The following EDA variants were observed in gnomAD, a reference collection of about 807,000 sequenced individuals.
The protein encoded by EDA is ectodysplasin-A.
Under a neutral mutation model 23.6 loss-of-function variants are expected in EDA, and 2 were observed. The observed-to-expected ratio is 0.08, with a 90% CI of 0.03 to 0.27. The LOEUF is 0.27. EDA is among the 10% of genes least tolerant of loss of function. The probability of loss-of-function intolerance (pLI) is 1.00; values close to 1 mark genes in which losing one functional copy is unlikely to be tolerated. For synonymous variants in EDA, 131 were observed against 132.0 expected (o/e 0.99, Z 0.05); for missense variants, 229 against 324.2 (o/e 0.71, Z 2.26).
rs2020261771 is a variant in EDA, at chrX:70,035,917, G to T, written c.*308G>T. ...CGAGGTCCCTGTTGTCAGATCTATT[G>T]TTTGTTGCACTAAAATGAGGATCCA... is the stretch of plus-strand genomic sequence containing the variant. On this transcript the variant is annotated 3_prime_UTR_variant, in exon 8 of 8. Coordinates refer to ENST00000374552, the MANE Select transcript of EDA (RefSeq NM_001399.5). 2.9e-6 allele frequency: 1 copy of T among 339,706 alleles called. No homozygotes were observed. The highest frequency in any genetic ancestry group is 5.1e-6 in the Non-Finnish European group (1 of 196,390). The allele number at this position is 339,706 out of a possible 1,213,427, so 28.0% of individuals were successfully genotyped here. A position where few individuals can be genotyped will look rare whatever the true frequency, so the allele number is the denominator to read the frequency against.
intron 1 of EDA, among the ~76,000 whole-genome samples, chrX:69,902,806 A>G (rs922554817): frequency 9.0e-6 from 1 of 111,501 alleles, no homozygotes; most frequent in African/African-American, 3.3e-5. Context: ...TGGAGCTGGT[A>G]ACTTAAGACC....
intron 1 of EDA, among the ~76,000 whole-genome samples, chrX:69,793,570 G>GTTTTTTTTTT (rs67241807): frequency 1.6e-3 from 95 of 58,701 alleles, no homozygotes; most frequent in South Asian, 2.6e-3. Context: ...GTTTGTTTTT[G>GTTTTTTTTTT]TTTTTTTTTT....
intron 1 of EDA, among the ~76,000 whole-genome samples, chrX:69,955,115 A>G (rs1326205138): frequency 1.8e-5 from 2 of 112,147 alleles, no homozygotes; most frequent in Admixed American, 1.9e-4. Context: ...ATTTTATTGT[A>G]AACAGCAGTT....
chrX:69,813,799 T>G (rs768050728), intron 1 of EDA, among the ~76,000 whole-genome samples: 1 of 97,297 alleles, frequency 1.0e-5, no homozygotes, highest in Non-Finnish European at 2.0e-5. Flanking sequence ...TTCAATTTAA[T>G]AGAAAGATGC....
At chrX:69,967,050 A>C (rs1201841549) in intron 2 of EDA, among the ~76,000 whole-genome samples, 1 of 110,182 alleles carries the variant, frequency 9.1e-6, no homozygotes, top group Admixed American at 9.9e-5. Context: ...CTTGGGTGGA[A>C]GAGGGTTGGA....
intron 1 of EDA, among the ~76,000 whole-genome samples, chrX:69,709,229 TA>T (rs766485584): frequency 1.6e-4 from 18 of 112,419 alleles, no homozygotes; most frequent in Non-Finnish European, 3.0e-4. Context: ...TGTTAATTCC[TA>T]ATTCTGACCA....
At chrX:69,777,260 G>A (rs1311815936) in intron 1 of EDA, among the ~76,000 whole-genome samples, 1 of 109,963 alleles carries the variant, frequency 9.1e-6, no homozygotes, top group Non-Finnish European at 1.9e-5. Context: ...AGTGAATGTT[G>A]GGGGTGGGTA....
intron 6 of EDA, 93 bp downstream of exon 6, chrX:70,030,613 G>T: frequency 1.2e-6 from 1 of 826,349 alleles, no homozygotes; most frequent in South Asian, 2.2e-5. Context: ...TTCCTCCCAG[G>T]CCGCTGAGGT....
At chrX:69,828,336 G>C (rs1488265448) in intron 1 of EDA, among the ~76,000 whole-genome samples, 2 of 112,320 alleles carry the variant, frequency 1.8e-5, no homozygotes, top group African/African-American at 6.5e-5. Flanking sequence ...AGACTGCTGT[G>C]CTAGCAATCA....
At chrX:69,800,350 G>A (rs1025495270) in intron 1 of EDA, among the ~76,000 whole-genome samples, 4 of 111,317 alleles carry the variant, frequency 3.6e-5, no homozygotes, top group Non-Finnish European at 5.7e-5. Context: ...AGTAAACAAC[G>A]TGTTATATTT....
chrX:69,697,686 C>CCCGA (rs2011395988), intron 1 of EDA, among the ~76,000 whole-genome samples: 1 of 110,978 alleles, frequency 9.0e-6, no homozygotes, highest in Non-Finnish European at 1.9e-5. Context: ...ACTGGAGGAA[C>CCCGA]CCGATGATGA....
chrX:70,019,069 A>G (rs911934795), intron 2 of EDA, among the ~76,000 whole-genome samples: 1 of 112,326 alleles, frequency 8.9e-6, no homozygotes, highest in African/African-American at 3.2e-5. Context: ...AGACATATAC[A>G]TGAGCAGTAA....
intron 2 of EDA, among the ~76,000 whole-genome samples, chrX:70,007,475 C>T (rs1228858909): frequency 2.7e-5 from 3 of 111,482 alleles, no homozygotes; most frequent in Non-Finnish European, 3.8e-5. Flanking sequence ...CCCCTTTGCT[C>T]GGCACTCCTT....
chrX:69,829,255 C>A lies in EDA; in HGVS notation c.397-127772C>A, dbSNP rs949995438. On this transcript the variant is annotated intron_variant, in intron 1 of 7. Transcript: ENST00000374552. ...TAAATATTTGTTAAATGGATAAAGA[C>A]CCTCACACCACATTTAGGGTTTTTT... Among the ~76,000 whole-genome samples, 6 of 112,004 alleles carry A rather than the reference C, an allele frequency of 5.4e-5. No individual in the cohort carries two copies. The Admixed American group carries it at 5.7e-4, about 11-fold the overall frequency.
At chrX:69,851,620 A>C (rs2017136665) in intron 1 of EDA, among the ~76,000 whole-genome samples, 1 of 112,321 alleles carries the variant, frequency 8.9e-6, no homozygotes, top group African/African-American at 3.2e-5. Context: ...AATGATGTAA[A>C]TCTTGTGACT....
intron 1 of EDA, among the ~76,000 whole-genome samples, chrX:69,899,509 G>A (rs2018067340): frequency 9.2e-6 from 1 of 108,502 alleles, no homozygotes; most frequent in Non-Finnish European, 1.9e-5. Context: ...AGTATTGGAA[G>A]TTGCAATTAT....
In EDA at chrX:69,934,124, A is replaced by G. The variant is rs747977115; in HGVS notation, c.397-22903A>G. 2.7e-5 allele frequency among the ~76,000 whole-genome samples: 3 copies of G among 112,144 alleles called. No individual in the cohort carries two copies. In the East Asian group the frequency reaches 8.4e-4, roughly 31 times the overall value. On this transcript the variant is annotated intron_variant, in intron 1 of 7. Transcript: ENST00000374552. ...CCCCAGATATAAGGCCTGCACCTCA[A>G]TAAGCCCCAACTATGTAAATAGAGC... is the stretch of plus-strand genomic sequence containing the variant.
At chrX:69,645,193 A>G (rs1932893845) in intron 1 of EDA, among the ~76,000 whole-genome samples, 1 of 109,813 alleles carries the variant, frequency 9.1e-6, no homozygotes, top group Admixed American at 9.7e-5. Flanking sequence ...TCTTCTTTGT[A>G]CCTCTGGTAG....
intron 1 of EDA, among the ~76,000 whole-genome samples, chrX:69,779,049 A>G (rs191790742): frequency 9.0e-6 from 1 of 111,657 alleles, no homozygotes; most frequent in East Asian, 2.8e-4. Flanking sequence ...GAGGATTCAG[A>G]GAAATTGGAA....
Sources: gnomAD v4.1 joint callset for allele counts (sites outside exome capture counted in the v4.1 genomes callset) on GRCh38, gnomAD v4.1.1 for gene constraint, MANE v1.5 for transcripts, NCBI Gene and HGNC (gene_info 2026-07-23, HGNC 2026-07-21) for gene names.